The following CEP112 variants were observed in gnomAD, a reference collection of about 807,000 sequenced individuals.
The protein encoded by CEP112 is centrosomal protein of 112 kDa.
CEP112 carries 127 observed loss-of-function variants against 153.0 expected under a neutral mutation model. That is an observed-to-expected ratio of 0.83 (90% CI 0.72 to 0.96). The LOEUF (loss-of-function observed/expected upper bound fraction) is 0.96, where lower values mean the gene tolerates loss of function less well. CEP112 is among the 40% of genes least tolerant of loss of function. The pLI is 0.00. For synonymous variants in CEP112, 358 were observed against 374.4 expected, an observed-to-expected ratio of 0.96 and a Z score of 0.51; for missense variants, 1,089 against 1,101.2, an observed-to-expected ratio of 0.99 and a Z score of 0.16.
At position 66,095,277 on chromosome 17, in the gene CEP112, T is replaced by C. The variant is rs543603410; in HGVS notation, c.768+974A>G. Among the ~76,000 whole-genome samples the C allele has an allele frequency of 3.9e-5, 6 of 152,104 alleles. No individual in the cohort carries two copies. In the East Asian group the frequency reaches 9.7e-4, roughly 24 times the overall value. On this transcript the variant is annotated intron_variant, in intron 8 of 26. Coordinates refer to ENST00000535342, the MANE Select transcript of CEP112 (RefSeq NM_001199165.4). ...ACAAATAAATGAAAAAAATGTGATA[T>C]ATATATACACATACACACACACACA...
At chr17:65,851,721 T>C (rs1260256227) in intron 21 of CEP112, 83 bp downstream of exon 21, 3 of 960,432 alleles carry the variant, frequency 3.1e-6, no homozygotes, top group African/African-American at 3.3e-5. Flanking sequence ...TACTACCTTT[T>C]GGAGATTAAA....
intron 21 of CEP112, among the ~76,000 whole-genome samples, chr17:65,789,231 C>T (rs2054456730): frequency 6.6e-6 from 1 of 152,160 alleles, no homozygotes; most frequent in African/African-American, 2.4e-5. Context: ...TAGAATCCCT[C>T]TCTCTCGCTC....
At chr17:65,957,042 G>A (rs1039025512) in intron 18 of CEP112, among the ~76,000 whole-genome samples, 4 of 152,122 alleles carry the variant, frequency 2.6e-5, no homozygotes, top group Admixed American at 2.0e-4. Context: ...AGGACGGCAT[G>A]AGATTTCATC....
chr17:66,164,359 C>A (rs950764722), intron 4 of CEP112, among the ~76,000 whole-genome samples: 5 of 151,728 alleles, frequency 3.3e-5, no homozygotes, highest in African/African-American at 1.2e-4. Flanking sequence ...AGAGTTGGAG[C>A]CCACCCTGGC....
chr17:65,905,007 A>G (rs1414543649), intron 19 of CEP112, among the ~76,000 whole-genome samples: 1 of 152,234 alleles, frequency 6.6e-6, no homozygotes, highest in Non-Finnish European at 1.5e-5. Context: ...ATCCTAGAAG[A>G]AAACCTAGGC....
At chr17:65,737,450 T>C (rs1022161493) in intron 23 of CEP112, among the ~76,000 whole-genome samples, 1 of 152,130 alleles carries the variant, frequency 6.6e-6, no homozygotes, top group Non-Finnish European at 1.5e-5. Flanking sequence ...TGGCTGACAG[T>C]AGGGGAGACG....
intron 17 of CEP112, among the ~76,000 whole-genome samples, chr17:65,976,823 C>A (rs1433871652): frequency 6.7e-5 from 10 of 150,104 alleles, no homozygotes; most frequent in African/African-American, 2.5e-4. Context: ...ACTGCAACCT[C>A]CACCTCCCAG....
chr17:66,070,695 AG>A (rs1429869871), intron 8 of CEP112, among the ~76,000 whole-genome samples: 2 of 152,200 alleles, frequency 1.3e-5, no homozygotes, highest in Non-Finnish European at 2.9e-5. Flanking sequence ...TAGAATTAAA[AG>A]AGCAATAGTG....
chr17:65,973,521 C>G (rs970508803), intron 17 of CEP112, among the ~76,000 whole-genome samples: 1 of 152,156 alleles, frequency 6.6e-6, no homozygotes, highest in African/African-American at 2.4e-5. Flanking sequence ...TCATTAGTCA[C>G]TAGGAAAATG....
At chr17:65,937,073 CT>C (rs1421198040) in intron 18 of CEP112, among the ~76,000 whole-genome samples, 1 of 149,224 alleles carries the variant, frequency 6.7e-6, no homozygotes, top group Non-Finnish European at 1.5e-5. Context: ...CAGCCTCGGC[CT>C]CCCGAGGTGC....
intron 21 of CEP112, chr17:65,797,121 C>T (rs1216139136): frequency 6.6e-6 from 1 of 152,160 alleles, no homozygotes; most frequent in Non-Finnish European, 1.5e-5. Flanking sequence ...ATGGTATGTA[C>T]CATGATATTC....
chr17:65,951,814 T>C (rs936682351), intron 18 of CEP112, among the ~76,000 whole-genome samples: 23 of 146,366 alleles, frequency 1.6e-4, no homozygotes, highest in Non-Finnish European at 3.1e-4. Flanking sequence ...AGGTGAAGTT[T>C]AGGTTACTGA....
At chr17:65,826,365 G>C (rs1568076313) in intron 21 of CEP112, 2 of 1,593,216 alleles carry the variant, frequency 1.3e-6, no homozygotes, top group African/African-American at 1.4e-5. Flanking sequence ...CTGTAGGGCA[G>C]GCAGAACTTC....
chr17:66,016,956 T>C (rs1387585223), intron 16 of CEP112, among the ~76,000 whole-genome samples: 1 of 152,176 alleles, frequency 6.6e-6, no homozygotes, highest in Non-Finnish European at 1.5e-5. Flanking sequence ...CTCAGTTGGC[T>C]CCTCTGAAAA....
At chr17:65,945,759 C>T (rs1461267205) in intron 18 of CEP112, among the ~76,000 whole-genome samples, 1 of 151,960 alleles carries the variant, frequency 6.6e-6, no homozygotes, top group East Asian at 1.9e-4. Flanking sequence ...TGATTCTCCT[C>T]CCTCAGCCTC....
intron 11 of CEP112, among the ~76,000 whole-genome samples, chr17:66,059,043 AC>A (rs1262760691): frequency 1.3e-5 from 2 of 152,164 alleles, no homozygotes; most frequent in African/African-American, 4.8e-5. Flanking sequence ...GACAAAGTTG[AC>A]CAAAAAAATG....
intron 20 of CEP112, among the ~76,000 whole-genome samples, chr17:65,874,354 A>G (rs185683906): frequency 7.6e-4 from 115 of 152,282 alleles, no homozygotes; most frequent in African/African-American, 2.7e-3. Flanking sequence ...CTTAGATTCC[A>G]GTGACGAGGG....
intron 21 of CEP112, among the ~76,000 whole-genome samples, chr17:65,761,382 A>G (rs2145391955): frequency 1.3e-5 from 2 of 152,196 alleles, no homozygotes; most frequent in Middle Eastern, 3.4e-3. Context: ...AGCTAGGATT[A>G]CAGGTACATG....
At chr17:65,976,190 T>G (rs2063027644) in intron 17 of CEP112, among the ~76,000 whole-genome samples, 1 of 152,210 alleles carries the variant, frequency 6.6e-6, no homozygotes, top group Non-Finnish European at 1.5e-5. Flanking sequence ...CAGGCTCTAG[T>G]GGGCGGCTCT....
Sources: gnomAD v4.1 joint callset for allele counts (sites outside exome capture counted in the v4.1 genomes callset) on GRCh38, gnomAD v4.1.1 for gene constraint, MANE v1.5 for transcripts, NCBI Gene and HGNC (gene_info 2026-07-23, HGNC 2026-07-21) for gene names.